Variants in FBXW7 observed in about 807,000 individuals in gnomAD.
The protein encoded by FBXW7 is F-box and WD repeat domain containing 7.
FBXW7 carries 11 observed loss-of-function variants against 86.3 expected under a neutral mutation model. The observed-to-expected ratio is 0.13, with a 90% CI of 0.08 to 0.21. The LOEUF (loss-of-function observed/expected upper bound fraction) is 0.21, where lower values mean the gene tolerates loss of function less well. FBXW7 is among the 10% of genes least tolerant of loss of function. The pLI, the probability that FBXW7 is intolerant of heterozygous loss-of-function variation, is 1.00. For synonymous variants in FBXW7, 313 were observed against 297.9 expected (o/e 1.05, Z -0.52); for missense variants, 488 against 847.4 (o/e 0.58, Z 5.27).
intron 4 of FBXW7, among the ~76,000 whole-genome samples, chr4:152,355,546 T>C (rs1309222554): frequency 6.6e-6 from 1 of 152,164 alleles, no homozygotes; most frequent in African/African-American, 2.4e-5. Flanking sequence ...CTATATTAAA[T>C]ATATTTTCAT....
intron 4 of FBXW7, among the ~76,000 whole-genome samples, chr4:152,387,983 C>G (rs1470080428): frequency 6.6e-6 from 1 of 152,042 alleles, no homozygotes; most frequent in Admixed American, 6.6e-5. Context: ...GCTGGGATTA[C>G]AGGCGTGAGC....
chr4:152,485,299 TA>T (rs1286158852), intron 2 of FBXW7, among the ~76,000 whole-genome samples: 1 of 152,062 alleles, frequency 6.6e-6, no homozygotes, highest in South Asian at 2.1e-4. Context: ...ATGTGAAAAA[TA>T]TAATTAAAAT....
intron 4 of FBXW7, among the ~76,000 whole-genome samples, chr4:152,389,279 C>A (rs896218569): frequency 1.3e-4 from 20 of 152,004 alleles, no homozygotes; most frequent in African/African-American, 4.6e-4. Flanking sequence ...AATCCCACTA[C>A]TGGGCATCTA....
At chr4:152,388,421 A>T (rs1182847044) in intron 4 of FBXW7, among the ~76,000 whole-genome samples, 3 of 152,204 alleles carry the variant, frequency 2.0e-5, no homozygotes, top group African/African-American at 7.2e-5. Flanking sequence ...GATAGGTAGC[A>T]TTCTCAAAAT....
At chr4:152,339,078 C>G (rs1730454908) in intron 6 of FBXW7, among the ~76,000 whole-genome samples, 1 of 152,110 alleles carries the variant, frequency 6.6e-6, no homozygotes, top group African/African-American at 2.4e-5. Context: ...TGAACTTCTT[C>G]TCTTCTTTCT....
At chr4:152,432,721 A>G (rs1315713136) in intron 2 of FBXW7, among the ~76,000 whole-genome samples, 2 of 152,228 alleles carry the variant, frequency 1.3e-5, no homozygotes, top group Non-Finnish European at 2.9e-5. Context: ...CTGAGGCAGG[A>G]GAATCACTTG....
chr4:152,479,226 T>C (rs377137396), intron 2 of FBXW7, among the ~76,000 whole-genome samples: 9 of 152,118 alleles, frequency 5.9e-5, no homozygotes, highest in Non-Finnish European at 1.3e-4. Flanking sequence ...GATTTTATCA[T>C]AGACTATACT....
At chr4:152,460,624 T>C (rs899493107) in intron 2 of FBXW7, among the ~76,000 whole-genome samples, 1 of 152,266 alleles carries the variant, frequency 6.6e-6, no homozygotes, top group African/African-American at 2.4e-5. Flanking sequence ...CAGCTGAATA[T>C]ACCATATCCA....
At chr4:152,380,311 T>A (rs1241377429) in intron 4 of FBXW7, among the ~76,000 whole-genome samples, 1 of 151,686 alleles carries the variant, frequency 6.6e-6, no homozygotes, top group African/African-American at 2.4e-5. Flanking sequence ...ACACAGAAAA[T>A]GTAAATCAAC....
chr4:152,343,936 C>T (rs191494791), intron 6 of FBXW7, among the ~76,000 whole-genome samples: 4 of 151,974 alleles, frequency 2.6e-5, no homozygotes, highest in Non-Finnish European at 5.9e-5. Flanking sequence ...AATTTATAAA[C>T]AGAATACAGA....
In FBXW7 at chr4:152,334,753, G is replaced by A. The variant is rs183361251; in HGVS notation, c.862-2034C>T. Among the ~76,000 whole-genome samples, 11 of 152,240 alleles carry A rather than the reference G, an allele frequency of 7.2e-5. No individual in the cohort carries two copies. In the East Asian group the frequency reaches 2.1e-3, roughly 29 times the overall value. On this transcript the variant is annotated intron_variant, in intron 7 of 13. Transcript: ENST00000281708. ...TATAAAGAAATACTAAGGCGCTAAA[G>A]AAAGTTGAAGTGCTAACTCTACAGG...
At chr4:152,450,662 G>A (rs1741828344) in intron 2 of FBXW7, among the ~76,000 whole-genome samples, 1 of 152,076 alleles carries the variant, frequency 6.6e-6, no homozygotes, top group South Asian at 2.1e-4. Context: ...GATTTGTGTT[G>A]CCAAAAAATG....
chr4:152,335,290 C>G (rs1294017994), intron 7 of FBXW7, among the ~76,000 whole-genome samples: 1 of 151,848 alleles, frequency 6.6e-6, no homozygotes, highest in Non-Finnish European at 1.5e-5. Context: ...GACATCCCCC[C>G]CTACCACCAC....
At chr4:152,481,179 A>T (rs932601399) in intron 2 of FBXW7, among the ~76,000 whole-genome samples, 28 of 152,130 alleles carry the variant, frequency 1.8e-4, no homozygotes, top group African/African-American at 6.3e-4. Context: ...TCATTCCAAA[A>T]ATTGTAGGGC....
intron 2 of FBXW7, among the ~76,000 whole-genome samples, chr4:152,433,459 T>C (rs879743484): frequency 2.0e-5 from 3 of 152,260 alleles, no homozygotes; most frequent in Admixed American, 6.5e-5. Flanking sequence ...CCATGGTGGC[T>C]AATATTATTG....
At chr4:152,410,998 A>G (rs1449391489) in intron 4 of FBXW7, among the ~76,000 whole-genome samples, 2 of 152,144 alleles carry the variant, frequency 1.3e-5, no homozygotes, top group African/African-American at 4.8e-5. Flanking sequence ...CGAAACCTCT[A>G]CACCCCACAC....
intron 2 of FBXW7, chr4:152,451,835 C>T (rs1322383285): frequency 1.3e-5 from 2 of 151,582 alleles, no homozygotes; most frequent in Admixed American, 6.6e-5. Context: ...CCAATTGACA[C>T]TATATTTTAA....
intron 2 of FBXW7, among the ~76,000 whole-genome samples, chr4:152,485,512 G>A (rs536767237): frequency 4.1e-5 from 2 of 48,544 alleles, no homozygotes; most frequent in South Asian, 6.0e-4. Flanking sequence ...CTTCATTATG[G>A]AAGAGGAATA....
chr4:152,413,171 C>CACAA (rs1738128229), intron 2 of FBXW7, among the ~76,000 whole-genome samples: 1 of 152,034 alleles, frequency 6.6e-6, no homozygotes, highest in African/African-American at 2.4e-5. Context: ...TATCATAAAA[C>CACAA]ACAAACATCA....
Sources: gnomAD v4.1 joint callset for allele counts (sites outside exome capture counted in the v4.1 genomes callset) on GRCh38, gnomAD v4.1.1 for gene constraint, MANE v1.5 for transcripts, NCBI Gene and HGNC (gene_info 2026-07-23, HGNC 2026-07-21) for gene names.